Variants in KCNG3 observed in about 807,000 individuals in gnomAD.
The protein encoded by KCNG3 is potassium voltage-gated channel modifier subfamily G member 3.
Under a neutral mutation model 29.0 loss-of-function variants are expected in KCNG3, and 15 were observed. The observed-to-expected ratio is 0.52, with a 90% CI of 0.35 to 0.80. The LOEUF (loss-of-function observed/expected upper bound fraction) is 0.80. Among genes scored for constraint, KCNG3 ranks in the 30% least tolerant of loss-of-function variants. The pLI, the probability that KCNG3 is intolerant of heterozygous loss-of-function variation, is 0.01. For missense variants in KCNG3, 512 were observed against 605.7 expected (o/e 0.85, Z 1.62); for synonymous variants, 322 against 248.9 (o/e 1.29, Z -2.76).
intron 1 of KCNG3, among the ~76,000 whole-genome samples, chr2:42,492,555 AAG>A (rs1278213817): frequency 3.3e-5 from 5 of 152,242 alleles, no homozygotes; most frequent in South Asian, 2.1e-4. Context: ...GTAAACTACA[AAG>A]AGGGGACATT....
chr2:42,432,967 A>C, the KCNG3 span, among the ~76,000 whole-genome samples: 4 of 151,826 alleles, frequency 2.6e-5, no homozygotes, highest in African/African-American at 7.2e-5. Flanking sequence ...CAAAAAAAAA[A>C]CACTCAACAA....
At chr2:42,456,299 A>C (rs1323126085) in intron 1 of KCNG3, among the ~76,000 whole-genome samples, 1 of 152,040 alleles carries the variant, frequency 6.6e-6, no homozygotes, top group Non-Finnish European at 1.5e-5. Context: ...ACGCAGGAGG[A>C]TTACTTGAGT....
the KCNG3 span, among the ~76,000 whole-genome samples, chr2:42,406,333 T>C: frequency 0.62 from 93,600 of 151,228 alleles, 29,626 homozygotes; most frequent in East Asian, 0.77. Flanking sequence ...AATTCTCCTG[T>C]CTCAGCCTCT....
rs1482241024 is a variant in KCNG3 at position 42,444,864 on chromosome 2, C to A, written c.666-285G>T. Among the ~76,000 whole-genome samples the A allele has an allele frequency of 6.8e-6, 1 of 147,884 alleles. No individual in the cohort carries two copies. The highest frequency in any genetic ancestry group is 2.5e-5 in the African/African-American group (1 of 39,894). On this transcript the variant is annotated intron_variant, in intron 1 of 1. Coordinates refer to ENST00000306078, the MANE Select transcript of KCNG3 (RefSeq NM_133329.6). The surrounding 1 kb of genome is among the most constrained non-coding windows in gnomAD (Gnocchi z 5.8). ...ATCGCTTGAGCCCAGGAGTTCGAGA[C>A]CAACCTGGGCACCACAGCAAAACCC...
the KCNG3 span, among the ~76,000 whole-genome samples, chr2:42,419,469 T>TG: frequency 6.6e-6 from 1 of 151,948 alleles, no homozygotes; most frequent in African/African-American, 2.4e-5. Context: ...CTCGAACTCC[T>TG]GACCCCAGGT....
chr2:42,457,365 G>A (rs1381997667), intron 1 of KCNG3, among the ~76,000 whole-genome samples: 5 of 151,256 alleles, frequency 3.3e-5, no homozygotes, highest in African/African-American at 9.7e-5. Flanking sequence ...ATGGGGGCAC[G>A]CGCCTGTACT....
chr2:42,436,370 G>T, the KCNG3 span, among the ~76,000 whole-genome samples: 1 of 152,186 alleles, frequency 6.6e-6, no homozygotes, highest in African/African-American at 2.4e-5. Context: ...ATAACAAATT[G>T]TATGGCATAC....
chr2:42,422,621 T>C, the KCNG3 span, among the ~76,000 whole-genome samples: 4 of 152,128 alleles, frequency 2.6e-5, no homozygotes, highest in Admixed American at 2.6e-4. Flanking sequence ...TCTAAAGAAA[T>C]AGATAACTTC....
intron 1 of KCNG3, among the ~76,000 whole-genome samples, chr2:42,455,238 G>T (rs1030441010): frequency 6.6e-6 from 1 of 152,112 alleles, no homozygotes; most frequent in Non-Finnish European, 1.5e-5. Context: ...AGTACTAGAG[G>T]CTACAGGTGT....
At chr2:42,419,738 G>A in the KCNG3 span, among the ~76,000 whole-genome samples, 1 of 152,132 alleles carries the variant, frequency 6.6e-6, no homozygotes, top group Non-Finnish European at 1.5e-5. Context: ...TGGCTCTGTA[G>A]ACATAACTTC....
chr2:42,395,299 A>G, the KCNG3 span, among the ~76,000 whole-genome samples: 1 of 152,024 alleles, frequency 6.6e-6, no homozygotes, highest in African/African-American at 2.4e-5. Context: ...CAGCAGGTGG[A>G]AAAAAAACAC....
Position 42,493,463 on chromosome 2 carries a change from C to G in KCNG3, c.39G>C (p.Leu13=), listed in dbSNP as rs556346669. 3.5e-5 allele frequency: 51 copies of G among 1,457,292 alleles called. No homozygotes were observed. In the South Asian group the frequency reaches 5.0e-4, roughly 14 times the overall value. 90.3% of individuals were successfully genotyped at this position (1,457,292 alleles called of 1,614,324 possible). ...FGRSGAASVV[L]NVGGARYSLS... ...GCGAATACCGGGCGCCGCCCACGTT[C>G]AGCACCACCGAGGCCGCCCCGCTGC... is the stretch of plus-strand genomic sequence containing the variant. The change falls in exon 1 of 2, where the codon CTG becomes CTC. Residue 13 remains leucine, a synonymous_variant. Transcript: ENST00000306078.
the KCNG3 span, among the ~76,000 whole-genome samples, chr2:42,430,363 AAAATAAAT>A: frequency 0.012 from 1,637 of 140,056 alleles, 20 homozygotes; most frequent in African/African-American, 0.021. Context: ...GACTGTCTTA[AAAATAAAT>A]AAATAAATAA....
intron 1 of KCNG3, 61 bp downstream of exon 1, chr2:42,492,776 T>A (rs1484493527): frequency 7.4e-7 from 1 of 1,358,996 alleles, no homozygotes; most frequent in Non-Finnish European, 9.6e-7. Flanking sequence ...ACGGGACGTA[T>A]GGACGGGACG....
rs774410920 is a variant in KCNG3, at chr2:42,444,495, G to A, written c.750C>T (p.Val250=). 6 of 1,614,134 alleles carry A rather than the reference G, an allele frequency of 3.7e-6. No individual in the cohort carries two copies. Among genetic ancestry groups the A allele is most frequent in the Non-Finnish European group, 4.2e-6 (5 of 1,180,034 alleles). ...FIVSKNKCEF[V]KRPLNIIDLL... Reference sequence around the variant, plus strand: ...AATCAATGATGTTCAGGGGTCTCTTGACAAACTCACACTTGTTTTTGGAGA... The same window carrying A: ...AATCAATGATGTTCAGGGGTCTCTTAACAAACTCACACTTGTTTTTGGAGA... Residue 250 remains valine (V), a synonymous_variant, in exon 2 of 2, where the codon GTC becomes GTT. Transcript: ENST00000306078. This position sits in a 1 kb window ranked among gnomAD's most constrained non-coding sequence, Gnocchi z 5.8.
chr2:42,468,818 G>C (rs1387455305), intron 1 of KCNG3, among the ~76,000 whole-genome samples: 1 of 151,714 alleles, frequency 6.6e-6, no homozygotes, highest in Non-Finnish European at 1.5e-5. Context: ...AGCTGGGCTT[G>C]GTGGCAGGCA....
At chr2:42,429,063 G>A in the KCNG3 span, among the ~76,000 whole-genome samples, 4 of 151,996 alleles carry the variant, frequency 2.6e-5, no homozygotes, top group South Asian at 2.1e-4. Context: ...AGGTTGCGGT[G>A]AGCCAAGATC....
chr2:42,411,544 G>T, the KCNG3 span, among the ~76,000 whole-genome samples: 1 of 152,040 alleles, frequency 6.6e-6, no homozygotes, highest in Admixed American at 6.6e-5. Flanking sequence ...GTGCAGTAGC[G>T]TGATCTCAGC....
chr2:42,476,533 C>G (rs184590401), intron 1 of KCNG3, among the ~76,000 whole-genome samples: 1 of 152,002 alleles, frequency 6.6e-6, no homozygotes, highest in African/African-American at 2.4e-5. Flanking sequence ...GTCACCCCAG[C>G]TGGAGTGCAG....
Sources: gnomAD v4.1 joint callset for allele counts (sites outside exome capture counted in the v4.1 genomes callset) on GRCh38, gnomAD v4.1.1 for gene constraint, Gnocchi (gnomAD v3.1) non-coding constraint, MANE v1.5 for transcripts, NCBI Gene and HGNC (gene_info 2026-07-23, HGNC 2026-07-21) for gene names.